The following ARHGEF10 variants were observed in gnomAD, a reference collection of about 807,000 sequenced individuals.
ARHGEF10 encodes Rho guanine nucleotide exchange factor 10.
ARHGEF10 carries 140 observed loss-of-function variants against 147.4 expected under a neutral mutation model. That is an observed-to-expected ratio of 0.95 (90% CI 0.83 to 1.09). ARHGEF10 has a LOEUF of 1.09. Among genes scored for constraint, ARHGEF10 ranks in the 50% least tolerant of loss-of-function variants. The pLI is 0.00. For synonymous variants in ARHGEF10, 902 were observed against 695.8 expected (o/e 1.30, Z -4.67); for missense variants, 2,222 against 1,752.7 (o/e 1.27, Z -4.78).
At chr8:1,917,926 G>A (rs1291699526) in intron 18 of ARHGEF10, among the ~76,000 whole-genome samples, 2 of 151,430 alleles carry the variant, frequency 1.3e-5, no homozygotes, top group East Asian at 1.9e-4. Context: ...CTCAGAGTGT[G>A]TACCACCATG....
At chr8:1,874,452 G>C (rs1453649399) in intron 7 of ARHGEF10, among the ~76,000 whole-genome samples, 1 of 152,186 alleles carries the variant, frequency 6.6e-6, no homozygotes, top group Non-Finnish European at 1.5e-5. Flanking sequence ...AAATCTAATT[G>C]AGGTGAAAAA....
At chr8:1,857,065 G>C (rs1317189825) in intron 2 of ARHGEF10, among the ~76,000 whole-genome samples, 2 of 152,220 alleles carry the variant, frequency 1.3e-5, no homozygotes, top group African/African-American at 4.8e-5. Flanking sequence ...CCTGTGACTC[G>C]CCTCCTGCAA....
chr8:1,880,533 TA>T (rs1415966271), intron 9 of ARHGEF10, among the ~76,000 whole-genome samples: 1 of 152,250 alleles, frequency 6.6e-6, no homozygotes, highest in Non-Finnish European at 1.5e-5. Context: ...ATAGGTTGAT[TA>T]TTTTTTAAAT....
intron 7 of ARHGEF10, among the ~76,000 whole-genome samples, chr8:1,874,201 G>A (rs563588955): frequency 6.6e-6 from 1 of 152,326 alleles, no homozygotes; most frequent in African/African-American, 2.4e-5. Context: ...TGGAAGTTCC[G>A]TGTTTGCTGG....
intron 18 of ARHGEF10, among the ~76,000 whole-genome samples, chr8:1,913,870 G>T (rs1811560016): frequency 6.6e-6 from 1 of 152,180 alleles, no homozygotes; most frequent in Admixed American, 6.5e-5. Flanking sequence ...ACAGGTAGCT[G>T]GAGGAGCTGC....
At position 1,942,637 on chromosome 8, in the gene ARHGEF10, C is replaced by G. The variant is rs778592972; in HGVS notation, c.3223-2844C>G. ...GAAGAACCTGATACTCATGCAGACA[C>G]GAATTATCATAGCAGTGTTATTTAT... On this transcript the variant is annotated intron_variant, in intron 26 of 28. Coordinates refer to ENST00000349830, the MANE Select transcript of ARHGEF10 (RefSeq NM_014629.4). Among the ~76,000 whole-genome samples the G allele has an allele frequency of 2.0e-5, 3 of 152,080 alleles. No homozygotes were observed. In the South Asian group the frequency reaches 6.2e-4, roughly 32 times the overall value.
In ARHGEF10 at chr8:1,908,807, A is replaced by T. The variant is rs752895416; in HGVS notation, c.1968-488A>T. Among the ~76,000 whole-genome samples, 224 of 152,242 alleles carry T rather than the reference A, an allele frequency of 1.5e-3. 1 individual carries two copies. Among genetic ancestry groups the T allele is most frequent in the Middle Eastern group, 3.4e-3 (1 of 294 alleles). Reference sequence around the variant, plus strand: ...AAGTCATAGGGTTTTTTTTCGGTTCAATTTCCGTATACTTGATAAATATTT... The same window carrying T: ...AAGTCATAGGGTTTTTTTTCGGTTCTATTTCCGTATACTTGATAAATATTT... On this transcript the variant is annotated intron_variant, in intron 17 of 28. Coordinates refer to ENST00000349830, the MANE Select transcript of ARHGEF10 (RefSeq NM_014629.4).
chr8:1,892,703 G>A (rs1809643225), intron 11 of ARHGEF10, among the ~76,000 whole-genome samples: 2 of 146,322 alleles, frequency 1.4e-5, no homozygotes, highest in South Asian at 4.4e-4. Context: ...TATGGGGTGG[G>A]TGTGTACAGG....
intron 12 of ARHGEF10, 117 bp downstream of exon 12, chr8:1,893,763 C>A: frequency 1.3e-6 from 1 of 755,862 alleles, no homozygotes; most frequent in Non-Finnish European, 2.3e-6. Context: ...TGCAAATTTG[C>A]AAAATTCTCA....
chr8:1,880,403 C>A (rs765000383), intron 9 of ARHGEF10, among the ~76,000 whole-genome samples: 5 of 152,256 alleles, frequency 3.3e-5, no homozygotes, highest in Non-Finnish European at 5.9e-5. Flanking sequence ...GGCCTCACCG[C>A]TGGCGGAATG....
At chr8:1,824,135 C>A (rs1802590437) in intron 1 of ARHGEF10, 22 bp downstream of exon 1, 1 of 152,126 alleles carries the variant, frequency 6.6e-6, no homozygotes, top group African/African-American at 2.4e-5. Flanking sequence ...CCCCGCGGAC[C>A]GTGGGTCCCC....
intron 1 of ARHGEF10, among the ~76,000 whole-genome samples, chr8:1,842,162 TG>T (rs1804145625): frequency 6.7e-6 from 1 of 149,690 alleles, no homozygotes; most frequent in Non-Finnish European, 1.5e-5. Flanking sequence ...TGAGCAAGTC[TG>T]GGGGATGGAG....
chr8:1,843,006 T>G (rs1585236691), intron 1 of ARHGEF10, among the ~76,000 whole-genome samples: 1 of 152,352 alleles, frequency 6.6e-6, no homozygotes, highest in Middle Eastern at 3.4e-3. Flanking sequence ...TTGGTTTACA[T>G]GTTGACTTCT....
At chr8:1,891,388 T>C (rs1198724201) in intron 11 of ARHGEF10, among the ~76,000 whole-genome samples, 1 of 152,224 alleles carries the variant, frequency 6.6e-6, no homozygotes, top group East Asian at 1.9e-4. Context: ...ATATTAAACA[T>C]TCTTTGCATG....
Position 1,957,019 on chromosome 8 carries a change from G to C in ARHGEF10, c.3791G>C (p.Ser1264Thr). ...CTGTCCTCCTCATCTGGGTCCCTGA[G>C]CTTGTCTCACGGCTCCAGCTCTCTA... ...SDLSSSSGSL[S>T]LSHGSSSLEH... The change falls in exon 29 of 29, where the codon AGC becomes ACC. Residue 1264 changes from serine (S) to threonine (T), a missense_variant. Transcript: ENST00000349830. The C allele has an allele frequency of 1.9e-6, 3 of 1,614,054 alleles. No individual in the cohort carries two copies. Among genetic ancestry groups the C allele is most frequent in the Non-Finnish European group, 2.5e-6 (3 of 1,180,042 alleles).
At chr8:1,931,591 C>T (rs1467672307) in intron 25 of ARHGEF10, among the ~76,000 whole-genome samples, 1 of 152,344 alleles carries the variant, frequency 6.6e-6, no homozygotes, top group South Asian at 2.1e-4. Flanking sequence ...AAGCGCATAG[C>T]CTGCCACTTC....
intron 25 of ARHGEF10, among the ~76,000 whole-genome samples, chr8:1,931,417 T>C (rs1196093404): frequency 6.6e-6 from 1 of 152,252 alleles, no homozygotes; most frequent in African/African-American, 2.4e-5. Context: ...CTTGGCTGCA[T>C]TGCTGTCCTG....
chr8:1,945,727 C>T, intron 27 of ARHGEF10, 72 bp downstream of exon 27: 1 of 1,589,592 alleles, frequency 6.3e-7, no homozygotes, highest in South Asian at 1.1e-5. Flanking sequence ...GGAGCGCTGT[C>T]AGCCCACCTT....
At chr8:1,834,380 C>A (rs1803457264) in intron 1 of ARHGEF10, among the ~76,000 whole-genome samples, 1 of 152,140 alleles carries the variant, frequency 6.6e-6, no homozygotes, top group Non-Finnish European at 1.5e-5. Flanking sequence ...CCGAGGTGAG[C>A]AGAGCGTAAT....
Sources: gnomAD v4.1 joint callset for allele counts (sites outside exome capture counted in the v4.1 genomes callset) on GRCh38, gnomAD v4.1.1 for gene constraint, MANE v1.5 for transcripts, NCBI Gene and HGNC (gene_info 2026-07-23, HGNC 2026-07-21) for gene names.